The following ENTREP2 variants were observed in gnomAD, a reference collection of about 807,000 sequenced individuals.
ENTREP2 encodes endosomal transmembrane epsin interactor 2.
chr15:29,632,252 T>G, the ENTREP2 span, among the ~76,000 whole-genome samples: 1 of 152,080 alleles, frequency 6.6e-6, no homozygotes, highest in African/African-American at 2.4e-5. Flanking sequence ...TTTCCAAGGG[T>G]CCTTATGATT....
At chr15:29,156,425 T>G in the ENTREP2 span, among the ~76,000 whole-genome samples, 19 of 152,026 alleles carry the variant, frequency 1.2e-4, no homozygotes, top group Non-Finnish European at 1.3e-4. Context: ...TGACCTCAGG[T>G]GATCCACCCT....
chr15:29,582,437 C>G, the ENTREP2 span, among the ~76,000 whole-genome samples: 1 of 150,858 alleles, frequency 6.6e-6, no homozygotes, highest in Non-Finnish European at 1.5e-5. Flanking sequence ...ACCTGAGGAG[C>G]AATAAAAAGC....
At chr15:29,252,281 G>A in the ENTREP2 span, 2 of 766,116 alleles carry the variant, frequency 2.6e-6, no homozygotes. Context: ...GAGAACCTAA[G>A]AATACAGTAA....
the ENTREP2 span, chr15:29,123,121 G>A: frequency 1.9e-6 from 1 of 528,302 alleles, no homozygotes; most frequent in Non-Finnish European, 3.3e-6. Flanking sequence ...ACTGGGCTAG[G>A]CAGGAAATGC....
chr15:29,147,007 T>C, the ENTREP2 span, among the ~76,000 whole-genome samples: 1 of 151,406 alleles, frequency 6.6e-6, no homozygotes, highest in Admixed American at 6.6e-5. Flanking sequence ...TAGGCATTGC[T>C]TTCTTAGATG....
At chr15:29,405,621 C>T in the ENTREP2 span, among the ~76,000 whole-genome samples, 29 of 152,294 alleles carry the variant, frequency 1.9e-4, 1 homozygote, top group Non-Finnish European at 2.8e-4. Context: ...TACAGGACCA[C>T]GGGGCTACGG....
chr15:29,621,769 A>G, the ENTREP2 span, among the ~76,000 whole-genome samples: 10 of 152,138 alleles, frequency 6.6e-5, 1 homozygote, highest in Admixed American at 6.5e-4. Flanking sequence ...ACTGTTGAGT[A>G]TACATGCCAA....
At chr15:29,593,438 C>G in the ENTREP2 span, among the ~76,000 whole-genome samples, 2 of 152,182 alleles carry the variant, frequency 1.3e-5, no homozygotes, top group Non-Finnish European at 2.9e-5. Context: ...GTGACAGCCT[C>G]TTGACTCCTC....
At chr15:29,381,036 A>T in the ENTREP2 span, among the ~76,000 whole-genome samples, 1 of 151,780 alleles carries the variant, frequency 6.6e-6, no homozygotes, top group East Asian at 2.0e-4. Context: ...TAATTTTAGT[A>T]GAGATGGGGT....
the ENTREP2 span, among the ~76,000 whole-genome samples, chr15:29,478,009 A>ATTTTTT: frequency 2.8e-5 from 2 of 70,910 alleles, no homozygotes; most frequent in African/African-American, 1.7e-4. Flanking sequence ...ATATATATAT[A>ATTTTTT]TATATATATA....
At chr15:29,577,711 C>G in the ENTREP2 span, among the ~76,000 whole-genome samples, 1 of 152,132 alleles carries the variant, frequency 6.6e-6, no homozygotes, top group Admixed American at 6.5e-5. Flanking sequence ...AATGGATAAA[C>G]AAAATGTGGT....
At chr15:29,505,991 A>G in the ENTREP2 span, among the ~76,000 whole-genome samples, 1 of 152,120 alleles carries the variant, frequency 6.6e-6, no homozygotes, top group African/African-American at 2.4e-5. This position sits in a 1 kb window ranked among gnomAD's most constrained non-coding sequence, Gnocchi z 4.3. Context: ...TTCTCATCCA[A>G]TGCAAGGACG....
the ENTREP2 span, among the ~76,000 whole-genome samples, chr15:29,215,955 T>C: frequency 3.8e-4 from 58 of 152,338 alleles, no homozygotes; most frequent in Middle Eastern, 6.8e-3. Context: ...CATTCAATGT[T>C]AGTATTGAGA....
the ENTREP2 span, among the ~76,000 whole-genome samples, chr15:29,404,600 C>A: frequency 6.6e-6 from 1 of 151,838 alleles, no homozygotes; most frequent in East Asian, 1.9e-4. Flanking sequence ...TTAGTAAGGG[C>A]TCCCTCGGCC....
At chr15:29,132,017 G>A in the ENTREP2 span, among the ~76,000 whole-genome samples, 2 of 151,964 alleles carry the variant, frequency 1.3e-5, no homozygotes, top group African/African-American at 4.8e-5. Context: ...CGTGGAGGCC[G>A]CCCCCTCTTG....
the ENTREP2 span, among the ~76,000 whole-genome samples, chr15:29,402,318 GTA>G: frequency 0.066 from 7,842 of 118,578 alleles, 463 homozygotes; most frequent in East Asian, 0.29. Context: ...GTGTGTGTGT[GTA>G]TATATGTATA....
chr15:29,547,847 A>G, the ENTREP2 span, among the ~76,000 whole-genome samples: 35 of 152,350 alleles, frequency 2.3e-4, no homozygotes, highest in South Asian at 3.9e-3. Flanking sequence ...CCAAGTATTC[A>G]CTGTTAGATG....
the ENTREP2 span, among the ~76,000 whole-genome samples, chr15:29,338,300 C>T: frequency 6.6e-6 from 1 of 151,544 alleles, no homozygotes; most frequent in African/African-American, 2.4e-5. Context: ...GGAGATGAGA[C>T]TAAGAAACCA....
At chr15:29,444,899 G>C in the ENTREP2 span, among the ~76,000 whole-genome samples, 1 of 152,216 alleles carries the variant, frequency 6.6e-6, no homozygotes, top group African/African-American at 2.4e-5. Flanking sequence ...TGAGACCCTG[G>C]CTCTAGAAAA....
Sources: allele counts gnomAD v4.1 joint callset (sites outside exome capture counted in the v4.1 genomes callset), GRCh38; gene constraint gnomAD v4.1.1; non-coding constraint Gnocchi (gnomAD v3.1); transcripts MANE v1.5; gene names NCBI Gene and HGNC (gene_info 2026-07-23, HGNC 2026-07-21).